MMP26: variants seen among roughly 807,000 people sequenced by gnomAD.
The protein encoded by MMP26 is matrix metallopeptidase 26.
In MMP26, 33 loss-of-function variants were observed where a neutral mutation model predicts 31.0. The ratio of observed to expected loss-of-function variants is 1.06; its 90% confidence interval spans 0.81 to 1.42. The LOEUF (loss-of-function observed/expected upper bound fraction) is 1.42, where lower values mean the gene tolerates loss of function less well. Among genes scored for constraint, MMP26 ranks in the 40% most tolerant of loss-of-function variants. MMP26 has a pLI of 0.00. For missense variants in MMP26, 347 were observed against 316.1 expected, an observed-to-expected ratio of 1.10 and a Z score of -0.74; for synonymous variants, 122 against 114.9, an observed-to-expected ratio of 1.06 and a Z score of -0.40.
At chr11:4,950,529 G>T (rs1468740427) in intron 2 of MMP26, among the ~76,000 whole-genome samples, 2 of 119,510 alleles carry the variant, frequency 1.7e-5, no homozygotes. Context: ...ATGGGGATGG[G>T]GGGAGTCTGG....
At chr11:4,926,589 C>T (rs1281553361) in intron 2 of MMP26, among the ~76,000 whole-genome samples, 1 of 152,116 alleles carries the variant, frequency 6.6e-6, no homozygotes, top group African/African-American at 2.4e-5. Context: ...TACCAGAAAC[C>T]TTTGGAGGTC....
chr11:4,948,139 C>T (rs1366581710), intron 2 of MMP26, among the ~76,000 whole-genome samples: 2 of 124,232 alleles, frequency 1.6e-5, no homozygotes, highest in Admixed American at 9.0e-5. Context: ...TCTCCCTTAC[C>T]AAATCTTCCC....
chr11:4,946,544 A>G lies in MMP26; in HGVS notation c.-144-41524A>G, dbSNP rs1391501352. On this transcript the variant is annotated intron_variant, in intron 2 of 7. Transcript: ENST00000380390. ...GTTGTCAGAACAGGCCAACTTCATGACATCCTGGTGGAGACAGTAGGAATG... is the reference window on the plus strand; with the variant it reads ...GTTGTCAGAACAGGCCAACTTCATGGCATCCTGGTGGAGACAGTAGGAATG... 1 of 1,600,070 alleles carries G rather than the reference A, an allele frequency of 6.2e-7. No individual in the cohort carries two copies. Among genetic ancestry groups the G allele is most frequent in the Non-Finnish European group, 8.6e-7 (1 of 1,168,334 alleles).
In MMP26 at chr11:4,814,775, T is replaced by G. The variant is rs530557013; in HGVS notation, c.-145+47434T>G. Among the ~76,000 whole-genome samples the G allele has an allele frequency of 6.6e-5, 10 of 152,324 alleles. No homozygotes were observed. In the East Asian group the frequency reaches 1.7e-3, roughly 26 times the overall value. On this transcript the variant is annotated intron_variant, in intron 2 of 7. Transcript: ENST00000380390. ...GTATTAATAAACCAACCCTTAATAATGTTCTCTAAACATTAATAAAAATGT... is the reference window on the plus strand; with the variant it reads ...GTATTAATAAACCAACCCTTAATAAGGTTCTCTAAACATTAATAAAAATGT...
rs1846386507 is a variant in MMP26 at position 4,952,729 on chromosome 11, A to T, written c.-144-35339A>T. Among the ~76,000 whole-genome samples, 2 of 125,628 alleles carry T rather than the reference A, an allele frequency of 1.6e-5. 1 individual carries two copies. The highest frequency in any genetic ancestry group is 1.8e-4 in the Admixed American group (2 of 11,316). 82.4% of individuals were successfully genotyped at this position (125,628 alleles called of 152,430 possible). On this transcript the variant is annotated intron_variant, in intron 2 of 7. Transcript: ENST00000380390. Reference sequence around the variant, plus strand: ...TCAATCTCTTCAACTAAAATAAATAAGAAAAAACCCTTTATAAAAAGCTGG... The same window carrying T: ...TCAATCTCTTCAACTAAAATAAATATGAAAAAACCCTTTATAAAAAGCTGG...
At chr11:4,794,758 G>T (rs1430408919) in intron 2 of MMP26, among the ~76,000 whole-genome samples, 3 of 152,176 alleles carry the variant, frequency 2.0e-5, no homozygotes, top group Non-Finnish European at 4.4e-5. Flanking sequence ...GCAGGTGCTG[G>T]CTATTAAAGC....
intron 2 of MMP26, among the ~76,000 whole-genome samples, chr11:4,770,846 A>G (rs116446404): frequency 0.015 from 2,295 of 152,186 alleles, 69 homozygotes; most frequent in African/African-American, 0.052. Flanking sequence ...CGTCTAAAAA[A>G]GAAGAAAAAA....
intron 2 of MMP26, among the ~76,000 whole-genome samples, chr11:4,962,378 AG>A (rs971887110): frequency 6.6e-6 from 1 of 152,214 alleles, no homozygotes; most frequent in African/African-American, 2.4e-5. Context: ...ATAGATTTTT[AG>A]GAGAGTCATA....
At chr11:4,866,297 C>A (rs981359686) in intron 2 of MMP26, among the ~76,000 whole-genome samples, 1 of 152,016 alleles carries the variant, frequency 6.6e-6, no homozygotes, top group Non-Finnish European at 1.5e-5. Context: ...TAAATTCATA[C>A]AAGTTACTAA....
intron 2 of MMP26, among the ~76,000 whole-genome samples, chr11:4,878,879 T>G (rs1373386726): frequency 6.6e-6 from 1 of 152,114 alleles, no homozygotes; most frequent in Non-Finnish European, 1.5e-5. Flanking sequence ...CTCACTGGGA[T>G]AAGCACCTTT....
chr11:4,705,687 T>G, intron 1 of MMP26, among the ~76,000 whole-genome samples: 1 of 152,270 alleles, frequency 6.6e-6, no homozygotes, highest in East Asian at 1.9e-4. Flanking sequence ...ATCACAGAAT[T>G]TTTTTTAAAA....
At chr11:4,789,762 G>C (rs12802647) in intron 2 of MMP26, among the ~76,000 whole-genome samples, 1 of 151,016 alleles carries the variant, frequency 6.6e-6, no homozygotes, top group African/African-American at 2.4e-5. Context: ...GGATGGTGTC[G>C]ATCTCCTGAC....
At chr11:4,912,672 C>G (rs1384113097) in intron 2 of MMP26, 1 of 141,928 alleles carries the variant, frequency 7.0e-6, no homozygotes, top group Non-Finnish European at 1.5e-5. Context: ...GAATATTGAG[C>G]CTTAAAAAAT....
At chr11:4,899,069 G>A (rs1850763679) in intron 2 of MMP26, among the ~76,000 whole-genome samples, 1 of 151,976 alleles carries the variant, frequency 6.6e-6, no homozygotes, top group South Asian at 2.1e-4. Context: ...AACTGAATGT[G>A]GCCTGCTCAC....
At chr11:4,853,010 T>C (rs1293374168) in intron 2 of MMP26, among the ~76,000 whole-genome samples, 1 of 152,058 alleles carries the variant, frequency 6.6e-6, no homozygotes, top group Non-Finnish European at 1.5e-5. Context: ...GTCAAACTCA[T>C]AGAAACAGAA....
chr11:4,956,627 A>G (rs781550312), intron 2 of MMP26, among the ~76,000 whole-genome samples: 6 of 152,218 alleles, frequency 3.9e-5, no homozygotes, highest in Non-Finnish European at 8.8e-5. Context: ...GAAGTGTTGC[A>G]GGACAAACAT....
At chr11:4,791,567 T>C (rs1849027675) in intron 2 of MMP26, among the ~76,000 whole-genome samples, 1 of 152,208 alleles carries the variant, frequency 6.6e-6, no homozygotes, top group African/African-American at 2.4e-5. Flanking sequence ...TTGTTAATAC[T>C]ATCACAACAA....
chr11:4,764,303 C>T (rs7937130), intron 1 of MMP26, among the ~76,000 whole-genome samples: 14,563 of 152,122 alleles, frequency 0.096, 1,538 homozygotes, highest in African/African-American at 0.27. Flanking sequence ...TGCTTTAAAA[C>T]ATGTCATTAA....
chr11:4,934,514 A>G (rs1181819806), intron 2 of MMP26, among the ~76,000 whole-genome samples: 1 of 139,586 alleles, frequency 7.2e-6, no homozygotes, highest in East Asian at 2.0e-4. Flanking sequence ...ATTTTCTCCC[A>G]TGTTGTAGGT....
Sources: gnomAD v4.1 joint callset for allele counts (sites outside exome capture counted in the v4.1 genomes callset) on GRCh38, gnomAD v4.1.1 for gene constraint, MANE v1.5 for transcripts, NCBI Gene and HGNC (gene_info 2026-07-23, HGNC 2026-07-21) for gene names.